Variants in HHLA2 observed in about 807,000 individuals in gnomAD.
The protein encoded by HHLA2 is HERV-H LTR-associating protein 2.
Under a neutral mutation model 45.9 loss-of-function variants are expected in HHLA2, and 48 were observed. The observed-to-expected ratio is 1.05, with a 90% confidence interval of 0.83 to 1.33. The LOEUF (loss-of-function observed/expected upper bound fraction) is 1.33, where lower values mean the gene tolerates loss of function less well. HHLA2 is among the 40% of genes most tolerant of loss of function. The pLI is 0.00. For missense variants in HHLA2, 462 were observed against 494.3 expected (o/e 0.93, Z 0.62); for synonymous variants, 161 against 173.9 (o/e 0.93, Z 0.59).
intron 2 of HHLA2, among the ~76,000 whole-genome samples, chr3:108,320,325 A>C (rs2081177517): frequency 6.6e-6 from 1 of 152,232 alleles, no homozygotes. Flanking sequence ...TGTAAAATGT[A>C]CAGTCCAAAG....
At chr3:108,368,535 CAAAAAAAAAAAAA>C (rs55718572) in intron 8 of HHLA2, among the ~76,000 whole-genome samples, 7 of 6,602 alleles carry the variant, frequency 1.1e-3, no homozygotes, top group African/African-American at 1.3e-3. Context: ...AAACGAAGAG[CAAAAAAAAAAAAA>C]AAAAAAAAAA....
chr3:108,354,152 T>C lies in HHLA2; in HGVS notation c.418+372T>C, dbSNP rs1457777370. Among the ~76,000 whole-genome samples, 7 of 152,304 alleles carry C rather than the reference T, an allele frequency of 4.6e-5. No homozygotes were observed. The East Asian group carries it at 9.6e-4, about 21-fold the overall frequency. ...CAGTACCAAATAACTGCCAATATCATGACTGAAAAAATATTGAATTGCTGA... is the reference window on the plus strand; with the variant it reads ...CAGTACCAAATAACTGCCAATATCACGACTGAAAAAATATTGAATTGCTGA... On this transcript the variant is annotated intron_variant, in intron 5 of 10. Transcript: ENST00000619531.
intron 2 of HHLA2, among the ~76,000 whole-genome samples, chr3:108,311,201 A>G (rs1281986540): frequency 6.6e-6 from 1 of 152,198 alleles, no homozygotes. Flanking sequence ...GCCTGTAATC[A>G]TTTTGTTAAG....
At chr3:108,315,715 A>G (rs1193529408) in intron 2 of HHLA2, among the ~76,000 whole-genome samples, 1 of 152,228 alleles carries the variant, frequency 6.6e-6, no homozygotes, top group East Asian at 1.9e-4. Flanking sequence ...AGGGCATATA[A>G]TAAGCATAAA....
chr3:108,339,137 G>A (rs1489693468), intron 3 of HHLA2, among the ~76,000 whole-genome samples: 1 of 152,178 alleles, frequency 6.6e-6, no homozygotes, highest in African/African-American at 2.4e-5. Context: ...ATGTGATACA[G>A]GTCTAACAGT....
chr3:108,377,303 T>TC, exon 11 of HHLA2: 1 of 1,560,398 alleles, frequency 6.4e-7, no homozygotes, highest in Non-Finnish European at 8.8e-7. Context: ...CTGTGACAAC[T>TC]CATGACCTGC....
At chr3:108,308,312 T>C (rs1377370082) in intron 1 of HHLA2, among the ~76,000 whole-genome samples, 2 of 152,212 alleles carry the variant, frequency 1.3e-5, no homozygotes, top group South Asian at 4.1e-4. Flanking sequence ...AATCTCCAGC[T>C]CCATCCATGT....
intron 3 of HHLA2, among the ~76,000 whole-genome samples, chr3:108,342,280 T>C (rs1375245669): frequency 3.8e-5 from 3 of 79,818 alleles, no homozygotes; most frequent in Non-Finnish European, 5.4e-5. Flanking sequence ...TTTTTTTTTT[T>C]GAGATGGAGT....
intron 1 of HHLA2, among the ~76,000 whole-genome samples, chr3:108,307,097 C>T (rs886150493): frequency 3.9e-5 from 6 of 152,032 alleles, no homozygotes; most frequent in African/African-American, 4.8e-5. Flanking sequence ...CTCAGGTGAC[C>T]TCAGGTGAGC....
At chr3:108,344,671 A>G (rs2081631542) in intron 3 of HHLA2, among the ~76,000 whole-genome samples, 1 of 152,210 alleles carries the variant, frequency 6.6e-6, no homozygotes, top group Non-Finnish European at 1.5e-5. Flanking sequence ...TCACATGTGC[A>G]CATGTTCAAC....
chr3:108,362,362 T>C (rs1442974724), exon 8 of HHLA2: 20 of 1,612,272 alleles, frequency 1.2e-5, no homozygotes, highest in Admixed American at 1.7e-5. Context: ...AGAAACAGCT[T>C]CCCATAACAA....
intron 2 of HHLA2, among the ~76,000 whole-genome samples, chr3:108,325,234 A>G (rs1180078201): frequency 6.6e-6 from 1 of 152,096 alleles, no homozygotes; most frequent in Non-Finnish European, 1.5e-5. Flanking sequence ...GGTGCAAAAA[A>G]CAAAAAAAAA....
At chr3:108,359,381 G>A (rs539996612) in intron 7 of HHLA2, among the ~76,000 whole-genome samples, 14 of 152,258 alleles carry the variant, frequency 9.2e-5, no homozygotes, top group Admixed American at 5.2e-4. Context: ...CCTTCCCCAC[G>A]AGGAAGAGGA....
intron 8 of HHLA2, among the ~76,000 whole-genome samples, chr3:108,368,663 A>G (rs140921907): frequency 1.5e-3 from 221 of 152,116 alleles, no homozygotes; most frequent in African/African-American, 5.0e-3. Context: ...AAAGGGATCA[A>G]TGCAACAAGA....
chr3:108,347,521 A>G (rs1489241411), intron 3 of HHLA2, among the ~76,000 whole-genome samples: 2 of 152,118 alleles, frequency 1.3e-5, no homozygotes, highest in East Asian at 3.9e-4. Flanking sequence ...AAGAATTTGG[A>G]TCTTACATTA....
rs116430164 is a variant in HHLA2 at position 108,302,156 on chromosome 3, T to C, written c.-192+5557T>C. On this transcript the variant is annotated intron_variant, in intron 1 of 10. Transcript: ENST00000619531. ...TATAGTAGGGAAATGAATATTAACA[T>C]GAAGATTAAACAGTCTGACTTTAAA... Among the ~76,000 whole-genome samples the C allele has an allele frequency of 1.0e-2, 1,518 of 152,252 alleles. 18 individuals carry two copies. The highest frequency in any genetic ancestry group is 0.034 in the African/African-American group (1,432 of 41,534).
chr3:108,358,257 A>G, intron 7 of HHLA2, 96 bp downstream of exon 6: 1 of 779,640 alleles, frequency 1.3e-6, no homozygotes, highest in East Asian at 2.6e-5. Context: ...TCAAGAATAC[A>G]TTGATACCCT....
chr3:108,349,308 G>GAT (rs2081732865), intron 3 of HHLA2, among the ~76,000 whole-genome samples: 1 of 151,900 alleles, frequency 6.6e-6, no homozygotes. Context: ...ATGATAAAGA[G>GAT]GGTATCAGCA....
intron 3 of HHLA2, among the ~76,000 whole-genome samples, chr3:108,350,754 G>A (rs368861363): frequency 2.0e-5 from 3 of 152,034 alleles, no homozygotes; most frequent in South Asian, 2.1e-4. Flanking sequence ...GTACAATCTC[G>A]CCTCACTGCA....
Sources: gnomAD v4.1 joint callset for allele counts (sites outside exome capture counted in the v4.1 genomes callset) on GRCh38, gnomAD v4.1.1 for gene constraint, MANE v1.5 for transcripts, NCBI Gene and HGNC (gene_info 2026-07-23, HGNC 2026-07-21) for gene names.